The following SMCHD1 variants were observed in gnomAD, a reference collection of about 807,000 sequenced individuals.
The protein encoded by SMCHD1 is structural maintenance of chromosomes flexible hinge domain containing 1.
Under a neutral mutation model 254.7 loss-of-function variants are expected in SMCHD1, and 78 were observed. That is an observed-to-expected ratio of 0.31 (90% CI 0.26 to 0.37). SMCHD1 has a LOEUF of 0.37. SMCHD1 is among the 10% of genes least tolerant of loss of function. SMCHD1 has a pLI of 1.00. For missense variants in SMCHD1, 1,840 were observed against 2,408.1 expected (o/e 0.76, Z 4.94); for synonymous variants, 766 against 794.9 (o/e 0.96, Z 0.61).
At chr18:2,777,771 G>T (rs75842687) in intron 42 of SMCHD1, 35 bp from the exon 43 acceptor site, 1 of 1,170,136 alleles carries the variant, frequency 8.5e-7, no homozygotes, top group Non-Finnish European at 1.2e-6. Context: ...AAAGTCATGT[G>T]CTTTAATATC....
intron 17 of SMCHD1, among the ~76,000 whole-genome samples, chr18:2,708,907 T>TATATA (rs769432583): frequency 1.1e-4 from 5 of 44,704 alleles, no homozygotes; most frequent in African/African-American, 4.2e-4. Context: ...TATATATATA[T>TATATA]AACATATTAA....
chr18:2,681,364 G>C (rs1318357463), intron 5 of SMCHD1, among the ~76,000 whole-genome samples: 1 of 142,396 alleles, frequency 7.0e-6, no homozygotes, highest in African/African-American at 2.6e-5. Flanking sequence ...AATGAGCCGA[G>C]ATTGCGCCGC....
intron 37 of SMCHD1, among the ~76,000 whole-genome samples, chr18:2,767,207 A>G (rs1317128332): frequency 1.3e-5 from 2 of 151,742 alleles, no homozygotes; most frequent in East Asian, 3.9e-4. Context: ...GCAGTGAGCC[A>G]TGATTATGCC....
In SMCHD1 at chr18:2,694,417, A is replaced by T. The variant is rs1409095776; in HGVS notation, c.874-110A>T. 5.2e-6 allele frequency: 5 copies of T among 961,224 alleles called. 1 individual carries two copies. The highest frequency in any genetic ancestry group is 6.0e-6 in the Non-Finnish European group (4 of 664,088). 59.5% of individuals were successfully genotyped at this position (961,224 alleles called of 1,614,324 possible). On this transcript the variant is annotated intron_variant, in intron 7 of 47. Transcript: ENST00000320876. ...CCAGTTTCCTCCAAAGCTTTTCTGA[A>T]ACCTATTTGTGAAACTCCAAGTAAA...
intron 20 of SMCHD1, among the ~76,000 whole-genome samples, chr18:2,723,522 A>C (rs772929384): frequency 9.9e-5 from 15 of 152,140 alleles, no homozygotes; most frequent in Non-Finnish European, 2.2e-4. Context: ...CAGTTTCCTC[A>C]AAGAAGAATC....
At chr18:2,680,185 A>C (rs764784105) in intron 5 of SMCHD1, among the ~76,000 whole-genome samples, 14 of 152,290 alleles carry the variant, frequency 9.2e-5, no homozygotes, top group Non-Finnish European at 1.6e-4. Context: ...AGTCTCTACC[A>C]ACTGTTCTTT....
intron 45 of SMCHD1, among the ~76,000 whole-genome samples, chr18:2,787,411 G>A (rs1456282010): frequency 6.6e-6 from 1 of 152,168 alleles, no homozygotes; most frequent in Non-Finnish European, 1.5e-5. Context: ...TCCATTTGGG[G>A]CTATCAGTTC....
chr18:2,770,780 C>G (rs1411114696), intron 39 of SMCHD1, among the ~76,000 whole-genome samples: 2 of 152,120 alleles, frequency 1.3e-5, no homozygotes, highest in Non-Finnish European at 2.9e-5. Context: ...GCCACCACGC[C>G]TGGCTGATTT....
intron 7 of SMCHD1, chr18:2,691,587 A>G (rs1392285365): frequency 6.6e-6 from 1 of 152,228 alleles, no homozygotes; most frequent in African/African-American, 2.4e-5. Flanking sequence ...ATACTGAGAC[A>G]CTGAATCATG....
chr18:2,686,327 TG>T (rs1287160369), intron 5 of SMCHD1, among the ~76,000 whole-genome samples: 1 of 152,210 alleles, frequency 6.6e-6, no homozygotes, highest in Non-Finnish European at 1.5e-5. Context: ...AGACTTGGGA[TG>T]CTCAGGTGGT....
intron 15 of SMCHD1, among the ~76,000 whole-genome samples, chr18:2,706,877 C>T (rs530349164): frequency 2.6e-5 from 4 of 152,076 alleles, no homozygotes; most frequent in Admixed American, 1.3e-4. Flanking sequence ...TTGACTCAGT[C>T]GTGCATGGCT....
Position 2,703,785 on chromosome 18 carries a change from G to A in SMCHD1, c.1741G>A (p.Gly581Arg). 6.2e-7 allele frequency: 1 copy of A among 1,612,844 alleles called. No homozygotes were observed. The highest frequency in any genetic ancestry group is 8.5e-7 in the Non-Finnish European group (1 of 1,179,228). ...ACAAATAAAATTTACACTTTTTAAG[G>A]GAGTAATTACACGTCCTGATCTTCC... ...DKQIKFTLFK[G>R]VITRPDLPSK... Residue 581 changes from glycine (G) to arginine (R), a missense_variant, in exon 13 of 48, where the codon GGA becomes AGA. Transcript: ENST00000320876.
intron 17 of SMCHD1, among the ~76,000 whole-genome samples, chr18:2,709,346 C>T (rs1170184722): frequency 2.0e-5 from 3 of 151,952 alleles, no homozygotes; most frequent in African/African-American, 7.3e-5. Flanking sequence ...GTGAAGAATG[C>T]TCCTGTGAAC....
Position 2,740,877 on chromosome 18 carries a change from CA to C in SMCHD1, c.3633+61del, listed in dbSNP as rs2143549020. 3 of 992,580 alleles carry C rather than the reference CA, an allele frequency of 3.0e-6. No individual in the cohort carries two copies. The East Asian group carries it at 8.2e-5, about 27-fold the overall frequency. 61.5% of individuals were successfully genotyped at this position (992,580 alleles called of 1,614,324 possible). ...GATTTATTCATTGTTATATGTGTAA[CA>C]AAAAGTTTGGGAAAAACTAGTATAA... On this transcript the variant is annotated intron_variant, in intron 28 of 47. Coordinates refer to ENST00000320876, the MANE Select transcript of SMCHD1 (RefSeq NM_015295.3).
intron 27 of SMCHD1, among the ~76,000 whole-genome samples, chr18:2,740,174 A>G (rs979895717): frequency 3.9e-5 from 6 of 152,048 alleles, no homozygotes; most frequent in Admixed American, 3.3e-4. Context: ...AAGAGTGAGA[A>G]CATGTGGTGT....
chr18:2,770,333 T>A (rs2075955410), intron 39 of SMCHD1, among the ~76,000 whole-genome samples: 1 of 152,228 alleles, frequency 6.6e-6, no homozygotes, highest in South Asian at 2.1e-4. Context: ...CAACACGTTC[T>A]GTTAGGAATC....
intron 45 of SMCHD1, among the ~76,000 whole-genome samples, chr18:2,785,647 CAAAA>C (rs1555656125): frequency 7.9e-4 from 10 of 12,672 alleles, no homozygotes; most frequent in African/African-American, 1.0e-3. Context: ...GACTCTGTCT[CAAAA>C]AAAAAAAAAA....
chr18:2,744,138 G>C (rs1219044776), intron 29 of SMCHD1, among the ~76,000 whole-genome samples: 1 of 152,124 alleles, frequency 6.6e-6, no homozygotes, highest in Admixed American at 6.5e-5. Context: ...AAAATAATGA[G>C]TGTAATAATT....
Position 2,802,511 on chromosome 18 carries a change from C to G in SMCHD1, c.5994-17C>G. 6.5e-7 allele frequency: 1 copy of G among 1,541,888 alleles called. No individual in the cohort carries two copies. Among genetic ancestry groups the G allele is most frequent in the Non-Finnish European group, 8.8e-7 (1 of 1,142,822 alleles). On this transcript the variant is annotated splice_polypyrimidine_tract_variant and intron_variant, in intron 47 of 47. Transcript: ENST00000320876. ...CCTTTGGTACATAAAACTTTTTTTT[C>G]TTTCCCCTTTGACCAGGATTATAAC...
Sources: gnomAD v4.1 joint callset for allele counts (sites outside exome capture counted in the v4.1 genomes callset) on GRCh38, gnomAD v4.1.1 for gene constraint, MANE v1.5 for transcripts, NCBI Gene and HGNC (gene_info 2026-07-23, HGNC 2026-07-21) for gene names.